Variants in AK9 observed in about 807,000 individuals in gnomAD.
The protein encoded by AK9 is adenylate kinase domain containing 1.
Under a neutral mutation model 239.6 loss-of-function variants are expected in AK9, and 191 were observed. That is an observed-to-expected ratio of 0.80 (90% CI 0.71 to 0.90). The LOEUF (loss-of-function observed/expected upper bound fraction) is 0.90, where lower values mean the gene tolerates loss of function less well. Ranked by LOEUF, AK9 falls within the 40% of genes least tolerant of loss-of-function variation. The pLI, the probability that AK9 is intolerant of heterozygous loss-of-function variation, is 0.00. For missense variants in AK9, 1,995 were observed against 2,214.7 expected (o/e 0.90, Z 1.99); for synonymous variants, 689 against 721.0 (o/e 0.96, Z 0.71).
At chr6:109,632,833 T>C in intron 12 of AK9, 90 bp downstream of exon 12, 2 of 1,398,982 alleles carry the variant, frequency 1.4e-6, no homozygotes, top group South Asian at 3.2e-5. Flanking sequence ...CTACAAATTA[T>C]AATCGAGTAT....
chr6:109,499,567 C>T (rs564363677), intron 35 of AK9, among the ~76,000 whole-genome samples: 2 of 152,020 alleles, frequency 1.3e-5, no homozygotes, highest in East Asian at 3.9e-4. Flanking sequence ...CAGTTATGGT[C>T]TTTGACCTCT....
chr6:109,669,365 T>C (rs7740332), intron 5 of AK9, among the ~76,000 whole-genome samples: 36,441 of 151,730 alleles, frequency 0.24, 4,378 homozygotes, highest in Middle Eastern at 0.28. Flanking sequence ...CTTTTCCGAA[T>C]TGAATACCCT....
In AK9 at chr6:109,533,360, T is replaced by G. The variant is rs775035020; in HGVS notation, c.3461A>C (p.Gln1154Pro). The G allele has an allele frequency of 6.2e-7, 1 of 1,611,700 alleles. No homozygotes were observed. Among genetic ancestry groups the G allele is most frequent in the Non-Finnish European group, 8.5e-7 (1 of 1,178,966 alleles). ...DAAVFIQVDD[Q>P]DIFDRLLPAQ... is the part of the protein sequence containing the mutation. ...AGGAAGGAGGCGATCAAAAATATCT[T>G]GATCATCAACTTGTATAAAAACAGC... Residue 1154 changes from glutamine to proline, a missense_variant, in exon 28 of 41, where the codon CAA becomes CCA. Physicochemically the swap from Gln to Pro is moderately conservative, Grantham distance 76 (BLOSUM62 -1). Coordinates refer to ENST00000424296, the MANE Select transcript of AK9 (RefSeq NM_001145128.3).
At chr6:109,512,468 C>G in intron 32 of AK9, among the ~76,000 whole-genome samples, 1 of 152,142 alleles carries the variant, frequency 6.6e-6, no homozygotes, top group East Asian at 1.9e-4. Context: ...TGAATTCTTT[C>G]TTGCACGAGA....
chr6:109,653,521 GT>G, intron 8 of AK9, among the ~76,000 whole-genome samples: 2 of 152,256 alleles, frequency 1.3e-5, no homozygotes, highest in East Asian at 3.9e-4. Context: ...TTCACGGAAA[GT>G]TTTTAACCCT....
chr6:109,679,212 A>G (rs1045994081), intron 1 of AK9, among the ~76,000 whole-genome samples: 16 of 152,154 alleles, frequency 1.1e-4, no homozygotes, highest in African/African-American at 3.9e-4. Flanking sequence ...ACTGGCTTGA[A>G]ATTCTCGCTG....
chr6:109,538,925 T>C (rs1219326932), intron 27 of AK9, among the ~76,000 whole-genome samples: 2 of 152,200 alleles, frequency 1.3e-5, no homozygotes, highest in Non-Finnish European at 2.9e-5. Flanking sequence ...GAATGTTGAA[T>C]ATTGGCCCCC....
chr6:109,597,204 C>A (rs529103803), intron 17 of AK9, among the ~76,000 whole-genome samples: 26 of 152,204 alleles, frequency 1.7e-4, no homozygotes, highest in African/African-American at 6.0e-4. Flanking sequence ...ATACACATTG[C>A]CACATTGCTG....
At chr6:109,583,572 G>A (rs556579021) in intron 19 of AK9, among the ~76,000 whole-genome samples, 2 of 152,074 alleles carry the variant, frequency 1.3e-5, no homozygotes, top group East Asian at 3.9e-4. Context: ...AACTCATGTT[G>A]AATTTTAAAA....
chr6:109,684,663 A>G (rs1468047946), intron 1 of AK9, among the ~76,000 whole-genome samples: 10 of 149,176 alleles, frequency 6.7e-5, no homozygotes, highest in African/African-American at 2.3e-4. Flanking sequence ...TCACGAGGTC[A>G]GGAGATTGAG....
intron 1 of AK9, among the ~76,000 whole-genome samples, chr6:109,687,794 T>A (rs1773729438): frequency 6.6e-6 from 1 of 152,130 alleles, no homozygotes; most frequent in African/African-American, 2.4e-5. Context: ...CGATCACAAA[T>A]GTGTGTTGTT....
At chr6:109,578,089 G>A (rs1244407099) in intron 20 of AK9, among the ~76,000 whole-genome samples, 1 of 150,576 alleles carries the variant, frequency 6.6e-6, no homozygotes, top group Non-Finnish European at 1.5e-5. Flanking sequence ...GCACCACCAC[G>A]CCTGGCTAAT....
At chr6:109,545,246 C>A (rs1367309642) in intron 26 of AK9, among the ~76,000 whole-genome samples, 2 of 152,056 alleles carry the variant, frequency 1.3e-5, no homozygotes, top group African/African-American at 4.8e-5. Context: ...TTGAGACCAG[C>A]CTGGGCAACA....
At chr6:109,631,608 G>A (rs1562520180) in intron 12 of AK9, 1 of 152,016 alleles carries the variant, frequency 6.6e-6, no homozygotes, top group Admixed American at 6.6e-5. Context: ...AACTACTTTG[G>A]AAAACAATTT....
At chr6:109,684,449 G>C (rs1773150741) in intron 1 of AK9, among the ~76,000 whole-genome samples, 2 of 152,100 alleles carry the variant, frequency 1.3e-5, no homozygotes, top group African/African-American at 2.4e-5. Flanking sequence ...ACTACCATCA[G>C]AGTGAACAGG....
rs148574935 is a variant in AK9, at chr6:109,633,248, G to A, written c.1009C>T (p.Arg337Cys). 2.4e-5 allele frequency: 39 copies of A among 1,609,358 alleles called. No homozygotes were observed. The African/African-American group carries it at 2.5e-4, about 10-fold the overall frequency. ...TCTTTTAAATTCACAGGACATGTAC[G>A]TCCCCATTTACTTCTTTGCCATCTG... ...RYRWQRSKWG[R>C]TCPVNLKDGN... The change falls in exon 11 of 41, where the codon CGT becomes TGT. Residue 337 changes from arginine to cysteine, a missense_variant. This residue lies in a region of AK9 where 1,290 missense variants were observed against 1,392.7 expected (regional missense o/e 0.93). Transcript: ENST00000424296.
At chr6:109,513,641 A>C (rs1778971444) in intron 32 of AK9, among the ~76,000 whole-genome samples, 1 of 152,190 alleles carries the variant, frequency 6.6e-6, no homozygotes, top group African/African-American at 2.4e-5. Flanking sequence ...CACAGGATTA[A>C]CAAGAATTCT....
intron 29 of AK9, among the ~76,000 whole-genome samples, chr6:109,525,115 C>T (rs1582835897): frequency 6.6e-6 from 1 of 152,096 alleles, no homozygotes; most frequent in East Asian, 1.9e-4. Flanking sequence ...CATTTATTTA[C>T]TAGGGAGTCA....
chr6:109,551,387 C>T (rs1391017580), intron 24 of AK9, among the ~76,000 whole-genome samples: 6 of 151,762 alleles, frequency 4.0e-5, no homozygotes, highest in Non-Finnish European at 7.4e-5. Context: ...GGCATGGTGG[C>T]GCGTGCCTGT....
Sources: allele counts gnomAD v4.1 joint callset (sites outside exome capture counted in the v4.1 genomes callset), GRCh38; gene constraint gnomAD v4.1.1; regional missense constraint gnomAD v4.1.1; transcripts MANE v1.5; gene names NCBI Gene and HGNC (gene_info 2026-07-23, HGNC 2026-07-21).